SLC35F1: variants seen among roughly 807,000 people sequenced by gnomAD.
The protein encoded by SLC35F1 is solute carrier family 35 member F1.
Under a neutral mutation model 48.7 loss-of-function variants are expected in SLC35F1, and 14 were observed. The observed-to-expected ratio is 0.29, with a 90% confidence interval of 0.19 to 0.45. SLC35F1 has a LOEUF of 0.45. SLC35F1 is among the 20% of genes least tolerant of loss of function. The probability of loss-of-function intolerance (pLI) is 1.00; values close to 1 mark genes in which losing one functional copy is unlikely to be tolerated. For synonymous variants in SLC35F1, 190 were observed against 202.2 expected (o/e 0.94, Z 0.51); for missense variants, 404 against 500.0 (o/e 0.81, Z 1.83).
chr6:118,100,330 T>G (rs966275194), intron 1 of SLC35F1, among the ~76,000 whole-genome samples: 1 of 151,676 alleles, frequency 6.6e-6, no homozygotes, highest in Non-Finnish European at 1.5e-5. Flanking sequence ...TAGCCAAACT[T>G]GAGGTTAAAG....
chr6:118,087,282 A>G (rs944786245), intron 1 of SLC35F1, among the ~76,000 whole-genome samples: 1 of 152,082 alleles, frequency 6.6e-6, no homozygotes, highest in African/African-American at 2.4e-5. Context: ...GACACCCGTC[A>G]TATTGGATTA....
chr6:118,130,985 A>G (rs1215504051), intron 1 of SLC35F1, among the ~76,000 whole-genome samples: 1 of 152,184 alleles, frequency 6.6e-6, no homozygotes, highest in Non-Finnish European at 1.5e-5. Flanking sequence ...TCTTCATAAA[A>G]TATCTGACAT....
chr6:118,242,335 C>A, intron 3 of SLC35F1, among the ~76,000 whole-genome samples: 1 of 151,758 alleles, frequency 6.6e-6, no homozygotes, highest in East Asian at 1.9e-4. Context: ...TGTTGAATAT[C>A]TTTTGAGAGA....
intron 2 of SLC35F1, among the ~76,000 whole-genome samples, chr6:118,231,775 A>G (rs912302340): frequency 3.3e-5 from 5 of 152,160 alleles, no homozygotes; most frequent in Admixed American, 3.3e-4. Flanking sequence ...CCATTTTTTC[A>G]GTGCTATGTA....
At chr6:118,213,727 G>A (rs76342380) in intron 2 of SLC35F1, among the ~76,000 whole-genome samples, 8,288 of 152,198 alleles carry the variant, frequency 0.054, 324 homozygotes, top group African/African-American at 0.11. Flanking sequence ...AGATCAACTA[G>A]AGTATGATAC....
chr6:118,053,469 A>G (rs538334419), intron 1 of SLC35F1, among the ~76,000 whole-genome samples: 2 of 152,326 alleles, frequency 1.3e-5, no homozygotes, highest in Non-Finnish European at 2.9e-5. Context: ...TATTATAACA[A>G]TGTTAATACA....
chr6:117,977,189 TTTTC>T (rs1776716002), intron 1 of SLC35F1, among the ~76,000 whole-genome samples: 1 of 149,972 alleles, frequency 6.7e-6, no homozygotes, highest in Non-Finnish European at 1.5e-5. Flanking sequence ...TTCTTTTTCT[TTTTC>T]TTTCTTTCTT....
intron 2 of SLC35F1, among the ~76,000 whole-genome samples, chr6:118,176,806 C>A (rs1286624666): frequency 2.0e-5 from 3 of 152,032 alleles, no homozygotes; most frequent in Non-Finnish European, 4.4e-5. Flanking sequence ...TTGGCACCTT[C>A]CCTTGGGATG....
chr6:117,969,566 T>A (rs1011678242), intron 1 of SLC35F1, among the ~76,000 whole-genome samples: 6 of 152,066 alleles, frequency 3.9e-5, no homozygotes, highest in African/African-American at 1.4e-4. Flanking sequence ...TACAAAAAAA[T>A]TTAAAAATTA....
intron 1 of SLC35F1, among the ~76,000 whole-genome samples, chr6:117,958,285 A>T (rs988439953): frequency 4.6e-5 from 7 of 152,216 alleles, no homozygotes; most frequent in Non-Finnish European, 1.0e-4. Flanking sequence ...TAAAAAAATT[A>T]AAAGTAAAAA....
At chr6:118,284,391 G>A (rs548448224) in intron 6 of SLC35F1, among the ~76,000 whole-genome samples, 6 of 152,118 alleles carry the variant, frequency 3.9e-5, no homozygotes, top group African/African-American at 1.4e-4. Flanking sequence ...TTTGGGGAAA[G>A]TATAGATTTA....
At chr6:118,115,624 G>A (rs780931843) in intron 1 of SLC35F1, among the ~76,000 whole-genome samples, 8 of 152,082 alleles carry the variant, frequency 5.3e-5, no homozygotes, top group African/African-American at 1.7e-4. Context: ...TGAGACTTAC[G>A]CAGCTCTGTA....
chr6:117,956,659 A>G (rs1197631493), intron 1 of SLC35F1, among the ~76,000 whole-genome samples: 2 of 152,182 alleles, frequency 1.3e-5, no homozygotes, highest in Non-Finnish European at 2.9e-5. Context: ...GACTAATAGG[A>G]GACATTGCAG....
chr6:117,985,428 A>G (rs1776835853), intron 1 of SLC35F1, among the ~76,000 whole-genome samples: 1 of 152,262 alleles, frequency 6.6e-6, no homozygotes, highest in Non-Finnish European at 1.5e-5. Context: ...GGAGGGAGAA[A>G]GTGCTTGAGA....
intron 1 of SLC35F1, among the ~76,000 whole-genome samples, chr6:117,931,002 A>C (rs1188548538): frequency 1.3e-5 from 2 of 152,158 alleles, no homozygotes; most frequent in African/African-American, 4.8e-5. Flanking sequence ...CTATACCCTT[A>C]TCTGTCAAAT....
At chr6:118,192,676 A>G (rs111367727) in intron 2 of SLC35F1, among the ~76,000 whole-genome samples, 13 of 152,176 alleles carry the variant, frequency 8.5e-5, no homozygotes, top group African/African-American at 3.1e-4. Context: ...TAGAAATCCC[A>G]TACAATTTTG....
intron 1 of SLC35F1, among the ~76,000 whole-genome samples, chr6:118,095,476 T>G (rs1193760662): frequency 6.6e-6 from 1 of 152,196 alleles, no homozygotes; most frequent in African/African-American, 2.4e-5. Flanking sequence ...TGACAGGATT[T>G]TTTTTTCCTT....
At chr6:118,311,383 C>G (rs1401621189) in intron 7 of SLC35F1, among the ~76,000 whole-genome samples, 1 of 151,644 alleles carries the variant, frequency 6.6e-6, no homozygotes, top group Non-Finnish European at 1.5e-5. Flanking sequence ...ATTATTCATT[C>G]AAGATAAAAA....
chr6:118,219,312 G>A lies in SLC35F1; in HGVS notation c.350-16197G>A, dbSNP rs184874528. ...GTTAAGCAGACAATAATGTATGTTC[G>A]TAAGAGTGTAACAGAAAAAGATCAC... On this transcript the variant is annotated intron_variant, in intron 2 of 7. Coordinates refer to ENST00000360388, the MANE Select transcript of SLC35F1 (RefSeq NM_001029858.4). Among the ~76,000 whole-genome samples, 14 of 152,184 alleles carry A rather than the reference G, an allele frequency of 9.2e-5. No individual in the cohort carries two copies. The East Asian group carries it at 2.1e-3, about 23-fold the overall frequency.
Sources: gnomAD v4.1 joint callset for allele counts (sites outside exome capture counted in the v4.1 genomes callset) on GRCh38, gnomAD v4.1.1 for gene constraint, MANE v1.5 for transcripts, NCBI Gene and HGNC (gene_info 2026-07-23, HGNC 2026-07-21) for gene names.